The following MUSK variants were observed in gnomAD, a reference collection of about 807,000 sequenced individuals.
MUSK encodes muscle associated receptor tyrosine kinase, also known as muscle, skeletal receptor tyrosine-protein kinase.
MUSK carries 55 observed loss-of-function variants against 88.7 expected under a neutral mutation model. The observed-to-expected ratio is 0.62, with a 90% CI of 0.50 to 0.78. The LOEUF is 0.78. Among genes scored for constraint, MUSK ranks in the 30% least tolerant of loss-of-function variants. The pLI, the probability that MUSK is intolerant of heterozygous loss-of-function variation, is 0.00. For synonymous variants in MUSK, 387 were observed against 391.9 expected, an observed-to-expected ratio of 0.99 and a Z score of 0.15; for missense variants, 1,015 against 1,074.3, an observed-to-expected ratio of 0.94 and a Z score of 0.77.
At chr9:110,689,720 T>TTATTA (rs2076275380) in intron 3 of MUSK, among the ~76,000 whole-genome samples, 1 of 57,038 alleles carries the variant, frequency 1.8e-5, no homozygotes, top group Non-Finnish European at 2.8e-5. Flanking sequence ...ACTATATATG[T>TTATTA]TATATATAGT....
At chr9:110,797,276 A>G in intron 14 of MUSK, among the ~76,000 whole-genome samples, 1 of 136,508 alleles carries the variant, frequency 7.3e-6, no homozygotes, top group South Asian at 2.2e-4. Context: ...TAATTCACAA[A>G]TAAAAAACAA....
chr9:110,798,970 A>G (rs932199922), intron 14 of MUSK, among the ~76,000 whole-genome samples: 1 of 152,126 alleles, frequency 6.6e-6, no homozygotes, highest in African/African-American at 2.4e-5. Context: ...TTTTTCCAGT[A>G]TAAGAAATTA....
At chr9:110,765,504 T>A (rs1310442232) in intron 8 of MUSK, among the ~76,000 whole-genome samples, 2 of 152,182 alleles carry the variant, frequency 1.3e-5, no homozygotes, top group Non-Finnish European at 1.5e-5. Flanking sequence ...GAGAAGAGCA[T>A]AACAAATATG....
chr9:110,800,825 G>A lies in MUSK; in HGVS notation c.2447G>A (p.Arg816Gln), dbSNP rs764486887. The A allele has an allele frequency of 1.3e-5, 21 of 1,612,550 alleles. No individual in the cohort carries two copies. Among genetic ancestry groups the A allele is most frequent in the Non-Finnish European group, 1.6e-5 (19 of 1,178,820 alleles). ...MAHEEVIYYVRDGNILSCPEN... is the reference protein window; with the variant it reads ...MAHEEVIYYVQDGNILSCPEN... ...CATGAGGAGGTCATTTACTACGTGC[G>A]AGATGGCAACATCCTCTCCTGCCCT... The change falls in exon 15 of 15, where the codon CGA (arginine) becomes CAA (glutamine). Residue 816 changes from arginine to glutamine, a missense_variant. By Grantham distance (43) the Arg-to-Gln change is conservative. Transcript: ENST00000374448.
At chr9:110,694,103 G>A (rs1435766391) in intron 3 of MUSK, among the ~76,000 whole-genome samples, 1 of 151,404 alleles carries the variant, frequency 6.6e-6, no homozygotes, top group Non-Finnish European at 1.5e-5. Flanking sequence ...AAAACCAACA[G>A]GTCTCACGCC....
chr9:110,761,817 G>A (rs980768421), intron 7 of MUSK: 5 of 437,440 alleles, frequency 1.1e-5, no homozygotes, highest in Non-Finnish European at 1.5e-5. Flanking sequence ...CTCATGATCC[G>A]CCCACCTCGG....
Position 110,775,498 on chromosome 9 carries a change from A to G in MUSK, c.1185-290A>G, listed in dbSNP as rs536898652. The G allele has an allele frequency of 2.0e-3, 771 of 388,260 alleles. 9 individuals are homozygous for G. The highest frequency in any genetic ancestry group is 0.019 in the South Asian group (742 of 39,936). 24.1% of individuals were successfully genotyped at this position (388,260 alleles called of 1,614,324 possible). ...TTTGAATATGAAGTTGGGAGAAGAC[A>G]TATCAGAGATTCCCAATCTAATACG... On this transcript the variant is annotated intron_variant, in intron 9 of 14. Coordinates refer to ENST00000374448, the MANE Select transcript of MUSK (RefSeq NM_005592.4).
Position 110,803,491 on chromosome 9 carries a change from A to G in MUSK, c.*2503A>G, listed in dbSNP as rs2078122683. On this transcript the variant is annotated 3_prime_UTR_variant, in exon 15 of 15. Transcript: ENST00000374448. ...AAAAGAGGCCGAATTCTCAACCACTATACTGTAGAGCCTCTGTACATGATA... is the reference window on the plus strand; with the variant it reads ...AAAAGAGGCCGAATTCTCAACCACTGTACTGTAGAGCCTCTGTACATGATA... Among the ~76,000 whole-genome samples the G allele has an allele frequency of 6.6e-6, 1 of 152,194 alleles. No homozygotes were observed. The highest frequency in any genetic ancestry group is 6.5e-5 in the Admixed American group (1 of 15,282).
intron 5 of MUSK, among the ~76,000 whole-genome samples, chr9:110,717,674 T>C (rs1448372016): frequency 6.7e-6 from 1 of 150,076 alleles, no homozygotes; most frequent in Non-Finnish European, 1.5e-5. Context: ...TGTCTTTGTA[T>C]GTTTGAAAAT....
At chr9:110,737,668 T>A (rs543905260) in intron 6 of MUSK, among the ~76,000 whole-genome samples, 24 of 152,232 alleles carry the variant, frequency 1.6e-4, no homozygotes, top group Admixed American at 5.2e-4. Flanking sequence ...AAAGTTGAGA[T>A]GCAAGTCTTT....
intron 6 of MUSK, among the ~76,000 whole-genome samples, chr9:110,735,659 G>A (rs182257782): frequency 1.4e-4 from 22 of 152,140 alleles, no homozygotes; most frequent in African/African-American, 4.8e-4. Flanking sequence ...CTCGCATCGC[G>A]ATAAAGAAAT....
In MUSK at chr9:110,804,260, C is replaced by A. The variant is rs1425420270; in HGVS notation, c.*3272C>A. On this transcript the variant is annotated 3_prime_UTR_variant, in exon 15 of 15. Coordinates refer to ENST00000374448, the MANE Select transcript of MUSK (RefSeq NM_005592.4). The stretch of plus-strand genomic sequence containing the variant: ...TCCTTATTTGTTCATGTCCACATTT[C>A]TTTTTATGAAAATTCAGAGAAAGGA... Among the ~76,000 whole-genome samples the A allele has an allele frequency of 6.6e-6, 1 of 151,886 alleles. No individual in the cohort carries two copies. The highest frequency in any genetic ancestry group is 1.5e-5 in the Non-Finnish European group (1 of 67,928).
At chr9:110,676,274 CTCTT>C (rs1287010147) in intron 1 of MUSK, among the ~76,000 whole-genome samples, 2 of 133,452 alleles carry the variant, frequency 1.5e-5, no homozygotes, top group Non-Finnish European at 3.4e-5. Flanking sequence ...TTCTTTCAGT[CTCTT>C]TCTCTCATAT....
At chr9:110,788,525 G>A (rs1452901880) in intron 14 of MUSK, among the ~76,000 whole-genome samples, 1 of 151,698 alleles carries the variant, frequency 6.6e-6, no homozygotes, top group Non-Finnish European at 1.5e-5. Flanking sequence ...CTAGCTACTC[G>A]GGAGGCTGAG....
intron 5 of MUSK, among the ~76,000 whole-genome samples, chr9:110,709,974 C>CA (rs1554741392): frequency 6.6e-6 from 1 of 151,420 alleles, no homozygotes; most frequent in Non-Finnish European, 1.5e-5. Flanking sequence ...GTGAGACCCC[C>CA]CTCTCTAAAA....
At chr9:110,754,129 A>T (rs1564267282) in intron 7 of MUSK, among the ~76,000 whole-genome samples, 4 of 152,200 alleles carry the variant, frequency 2.6e-5, no homozygotes. Context: ...TTTTAAATTA[A>T]TTAAAGTCAT....
chr9:110,675,574 T>A (rs1224185059), intron 1 of MUSK, among the ~76,000 whole-genome samples: 3 of 132,988 alleles, frequency 2.3e-5, no homozygotes, highest in African/African-American at 8.5e-5. Context: ...TTTTTTTTTT[T>A]TTTTTTTTTT....
chr9:110,685,965 T>G (rs1199481205), intron 2 of MUSK, among the ~76,000 whole-genome samples: 1 of 152,184 alleles, frequency 6.6e-6, no homozygotes, highest in Non-Finnish European at 1.5e-5. Context: ...CCAAAACCTG[T>G]ATTTATTTAT....
In MUSK at chr9:110,782,500, C is replaced by A. The variant is rs539737498; in HGVS notation, c.1385-2315C>A. On this transcript the variant is annotated intron_variant, in intron 11 of 14. Coordinates refer to ENST00000374448, the MANE Select transcript of MUSK (RefSeq NM_005592.4). The stretch of plus-strand genomic sequence containing the variant: ...TGACAGTAAATTCTACTTTCTGATT[C>A]TTTTTAGAAAAACTAACCTTATATT... Among the ~76,000 whole-genome samples, 26 of 152,274 alleles carry A rather than the reference C, an allele frequency of 1.7e-4. 1 individual carries two copies. In the South Asian group the frequency reaches 5.4e-3, roughly 32 times the overall value.
Sources: allele counts gnomAD v4.1 joint callset (sites outside exome capture counted in the v4.1 genomes callset), GRCh38; gene constraint gnomAD v4.1.1; transcripts MANE v1.5; gene names NCBI Gene and HGNC (gene_info 2026-07-23, HGNC 2026-07-21).